RORA: variants seen among roughly 807,000 people sequenced by gnomAD.
RORA encodes the protein RAR related orphan receptor A, also known as nuclear receptor ROR-alpha.
Under a neutral mutation model 69.5 loss-of-function variants are expected in RORA, and 7 were observed. The observed-to-expected ratio is 0.10, with a 90% CI of 0.06 to 0.19. The LOEUF is 0.19. Ranked by LOEUF, RORA falls within the 10% of genes least tolerant of loss-of-function variation. RORA has a pLI of 1.00. For synonymous variants in RORA, 261 were observed against 240.8 expected (o/e 1.08, Z -0.78); for missense variants, 457 against 663.0 (o/e 0.69, Z 3.41).
chr15:60,599,239 A>G (rs754012379), intron 2 of RORA, among the ~76,000 whole-genome samples: 10 of 152,242 alleles, frequency 6.6e-5, no homozygotes, highest in Non-Finnish European at 1.2e-4. Context: ...GCCTCTTAGA[A>G]GGACGATAGA....
At chr15:60,737,650 T>C (rs1331114004) in intron 1 of RORA, among the ~76,000 whole-genome samples, 1 of 152,252 alleles carries the variant, frequency 6.6e-6, no homozygotes, top group Non-Finnish European at 1.5e-5. Context: ...ATATATCAGT[T>C]GTCAATTTAG....
intron 1 of RORA, among the ~76,000 whole-genome samples, chr15:60,712,406 G>C (rs1440019030): frequency 6.6e-6 from 1 of 152,132 alleles, no homozygotes; most frequent in African/African-American, 2.4e-5. Flanking sequence ...CTTTAGCCAG[G>C]ACACAAACTC....
intron 1 of RORA, among the ~76,000 whole-genome samples, chr15:60,957,693 C>T (rs1893308149): frequency 6.6e-6 from 1 of 152,148 alleles, no homozygotes; most frequent in Non-Finnish European, 1.5e-5. Context: ...GAGGAGGTCA[C>T]ACCTAATCTT....
chr15:60,597,782 A>G (rs1282838025), intron 2 of RORA, among the ~76,000 whole-genome samples: 1 of 150,072 alleles, frequency 6.7e-6, no homozygotes, highest in East Asian at 2.0e-4. Flanking sequence ...AGGCCCCTCA[A>G]CTGTAGCCTG....
chr15:60,881,015 C>T (rs1470205565), intron 1 of RORA, among the ~76,000 whole-genome samples: 1 of 152,190 alleles, frequency 6.6e-6, no homozygotes, highest in Non-Finnish European at 1.5e-5. Flanking sequence ...ATTATGGACT[C>T]CTCAATGGTT....
chr15:60,736,310 C>T (rs775629004), intron 1 of RORA, among the ~76,000 whole-genome samples: 5 of 152,208 alleles, frequency 3.3e-5, no homozygotes, highest in East Asian at 1.9e-4. Flanking sequence ...AGCAGCATGG[C>T]GGGAAGTCAG....
chr15:60,569,261 T>TAAA lies in RORA; in HGVS notation c.197-37413_197-37411dup, dbSNP rs60382168. On this transcript the variant is annotated intron_variant, in intron 2 of 10. Coordinates refer to ENST00000335670, the MANE Select transcript of RORA (RefSeq NM_134261.3). The stretch of plus-strand genomic sequence containing the variant: ...GAGAGACTCCATCTCTTTAAAAAAT[T>TAAA]AAAAAAAAAAAAAAAAAAAAAGCCA... 7.8e-5 allele frequency among the ~76,000 whole-genome samples: 7 copies of TAAA among 89,626 alleles called. No individual in the cohort carries two copies. The South Asian group carries it at 1.5e-3, about 19-fold the overall frequency. The allele number at this position is 89,626 out of a possible 152,430, so 58.8% of individuals were successfully genotyped here.
intron 2 of RORA, among the ~76,000 whole-genome samples, chr15:60,651,310 T>C (rs1267126854): frequency 1.3e-5 from 2 of 152,192 alleles, no homozygotes; most frequent in Admixed American, 6.5e-5. Flanking sequence ...TGTTTCCAGA[T>C]GTATCAAATC....
At chr15:60,989,205 T>C (rs1026699367) in intron 1 of RORA, among the ~76,000 whole-genome samples, 1 of 152,162 alleles carries the variant, frequency 6.6e-6, no homozygotes, top group Admixed American at 6.5e-5. Flanking sequence ...CCCATACTTA[T>C]TAAGTAATTG....
At position 60,534,191 on chromosome 15, in the gene RORA, C is replaced by T. The variant is rs16942720; in HGVS notation, c.197-2340G>A. Among the ~76,000 whole-genome samples the T allele has an allele frequency of 0.047, 7,189 of 152,180 alleles. 603 individuals are homozygous for T. Among genetic ancestry groups the T allele is most frequent in the African/African-American group, 0.17 (6,892 of 41,484 alleles). ...CTGTGACCAAGATGCCTGCCTGGCA[C>T]GGAGGTCTGCTCATGATGGGGGTGG... On this transcript the variant is annotated intron_variant, in intron 2 of 10. Coordinates refer to ENST00000335670, the MANE Select transcript of RORA (RefSeq NM_134261.3). The surrounding 1 kb of genome is among the most constrained non-coding windows in gnomAD (Gnocchi z 5.0).
intron 2 of RORA, among the ~76,000 whole-genome samples, chr15:60,545,644 G>A (rs1484607092): frequency 1.3e-5 from 2 of 152,094 alleles, no homozygotes; most frequent in East Asian, 1.9e-4. Flanking sequence ...GGTCTGCTAC[G>A]GTAAATGGTG....
intron 2 of RORA, among the ~76,000 whole-genome samples, chr15:60,541,570 TG>T (rs990531126): frequency 6.6e-6 from 1 of 152,226 alleles, no homozygotes; most frequent in Admixed American, 6.5e-5. Flanking sequence ...TGGCAGGAGC[TG>T]GTGGCTATTT....
At chr15:60,525,783 A>C (rs2066333834) in intron 3 of RORA, among the ~76,000 whole-genome samples, 1 of 152,224 alleles carries the variant, frequency 6.6e-6, no homozygotes, top group Non-Finnish European at 1.5e-5. Context: ...TGAGAAAAGC[A>C]GAGAATCTTC....
In RORA at chr15:60,841,245, T is replaced by C. The variant is rs144331176; in HGVS notation, c.167-162559A>G. 563 of 182,206 alleles carry C rather than the reference T, an allele frequency of 3.1e-3. 4 individuals are homozygous for C. Among genetic ancestry groups the C allele is most frequent in the African/African-American group, 0.013 (534 of 42,104 alleles). 11.3% of individuals were successfully genotyped at this position (182,206 alleles called of 1,614,324 possible). On this transcript the variant is annotated intron_variant, in intron 1 of 10. Transcript: ENST00000335670. ...TGAACCCTCTCGGGGCCTCAGGCACTACAAGGTGCCCTCCCTGACCTCCTG... is the reference window on the plus strand; with the variant it reads ...TGAACCCTCTCGGGGCCTCAGGCACCACAAGGTGCCCTCCCTGACCTCCTG...
Position 61,228,020 on chromosome 15 carries a change from C to T in RORA, c.166+1033G>A, listed in dbSNP as rs188198766. Among the ~76,000 whole-genome samples, 11 of 152,026 alleles carry T rather than the reference C, an allele frequency of 7.2e-5. No individual in the cohort carries two copies. The East Asian group carries it at 1.8e-3, about 24-fold the overall frequency. ...GAAAGGAGGGAGCAACTGAGTCCCC[C>T]CCATCCCCCCCAACACACGCAGACA... On this transcript the variant is annotated intron_variant, in intron 1 of 10. Coordinates refer to ENST00000335670, the MANE Select transcript of RORA (RefSeq NM_134261.3).
intron 1 of RORA, among the ~76,000 whole-genome samples, chr15:61,140,657 C>G (rs137892640): frequency 9.9e-4 from 150 of 151,878 alleles, no homozygotes; most frequent in African/African-American, 3.5e-3. Context: ...CAAGGAATAG[C>G]AATGTGGAGA....
intron 2 of RORA, among the ~76,000 whole-genome samples, chr15:60,559,218 A>C (rs1234730086): frequency 6.6e-6 from 1 of 152,192 alleles, no homozygotes; most frequent in African/African-American, 2.4e-5. Flanking sequence ...AATGCTCTGA[A>C]GGCCTTCTAA....
At chr15:60,809,999 G>A (rs2072719611) in intron 1 of RORA, among the ~76,000 whole-genome samples, 1 of 152,030 alleles carries the variant, frequency 6.6e-6, no homozygotes, top group Non-Finnish European at 1.5e-5. Flanking sequence ...GCTGCTGTAA[G>A]GCTGTTGTGT....
intron 1 of RORA, among the ~76,000 whole-genome samples, chr15:61,114,303 C>A (rs925842067): frequency 6.6e-6 from 1 of 152,160 alleles, no homozygotes; most frequent in Admixed American, 6.5e-5. Flanking sequence ...CCTCAGCTAG[C>A]AGGCACTTCC....
Sources: gnomAD v4.1 joint callset for allele counts (sites outside exome capture counted in the v4.1 genomes callset) on GRCh38, gnomAD v4.1.1 for gene constraint, Gnocchi (gnomAD v3.1) non-coding constraint, MANE v1.5 for transcripts, NCBI Gene and HGNC (gene_info 2026-07-23, HGNC 2026-07-21) for gene names.